STRIP2: variants seen among roughly 807,000 people sequenced by gnomAD.
STRIP2 encodes striatin-interacting protein 2.
Under a neutral mutation model 107.1 loss-of-function variants are expected in STRIP2, and 84 were observed. The observed-to-expected ratio is 0.78, with a 90% CI of 0.66 to 0.94. STRIP2 has a LOEUF of 0.94. STRIP2 is among the 40% of genes least tolerant of loss of function. The pLI is 0.00. For missense variants in STRIP2, 888 were observed against 1,034.2 expected, an observed-to-expected ratio of 0.86 and a Z score of 1.94; for synonymous variants, 394 against 400.4, an observed-to-expected ratio of 0.98 and a Z score of 0.19.
intron 7 of STRIP2, 114 bp downstream of exon 7, chr7:129,454,641 A>G (rs2150998303): frequency 1.4e-6 from 1 of 699,628 alleles, no homozygotes; most frequent in East Asian, 2.7e-5. Context: ...CTTTTTTAAA[A>G]TTAATGTCCT....
chr7:129,488,052 T>C lies in STRIP2; in HGVS notation c.*2223T>C, dbSNP rs1282209548. On this transcript the variant is annotated 3_prime_UTR_variant, in exon 21 of 21. Transcript: ENST00000249344. ...TTTCAGGTATTGACAGCCAGCCCCA[T>C]ATATTAAGGTAACCAGGTTGAATCT... 1 of 152,146 alleles carries C rather than the reference T, an allele frequency of 6.6e-6. No individual in the cohort carries two copies. The highest frequency in any genetic ancestry group is 1.5e-5 in the Non-Finnish European group (1 of 68,030). The allele number at this position is 152,146 out of a possible 1,614,324, so 9.4% of individuals were successfully genotyped here. A position where few individuals can be genotyped will look rare whatever the true frequency, so the allele number is the denominator to read the frequency against.
intron 12 of STRIP2, among the ~76,000 whole-genome samples, chr7:129,459,889 C>T (rs986256375): frequency 2.0e-5 from 3 of 152,072 alleles, no homozygotes; most frequent in African/African-American, 7.2e-5. Flanking sequence ...AGTCTACTAA[C>T]TTCCAAAGGC....
chr7:129,464,353 C>T (rs1247921378), intron 15 of STRIP2, among the ~76,000 whole-genome samples: 1 of 151,910 alleles, frequency 6.6e-6, no homozygotes, highest in Non-Finnish European at 1.5e-5. Context: ...CCAGTGCCAG[C>T]GACTGGCTGC....
chr7:129,465,521 T>C (rs1798650077), intron 16 of STRIP2, among the ~76,000 whole-genome samples: 1 of 152,100 alleles, frequency 6.6e-6, no homozygotes, highest in Non-Finnish European at 1.5e-5. Context: ...AAGGAGCAAA[T>C]CATAATCTAT....
At chr7:129,434,715 C>T in intron 1 of STRIP2, 114 bp downstream of exon 1, 10 of 1,235,862 alleles carry the variant, frequency 8.1e-6, no homozygotes, top group Non-Finnish European at 1.1e-5. Context: ...ATCAGCCCCG[C>T]GCAGTGGGCG....
intron 3 of STRIP2, among the ~76,000 whole-genome samples, chr7:129,446,252 T>C (rs552364406): frequency 9.8e-5 from 15 of 152,306 alleles, no homozygotes; most frequent in Admixed American, 5.2e-4. Context: ...TTAAACTCCT[T>C]CTCTGCTTTG....
intron 3 of STRIP2, among the ~76,000 whole-genome samples, chr7:129,448,065 C>T (rs1340748540): frequency 6.6e-6 from 1 of 152,196 alleles, no homozygotes; most frequent in Non-Finnish European, 1.5e-5. Flanking sequence ...AACGCTCACC[C>T]TACCAGTCAG....
chr7:129,450,828 C>G (rs1431822767), intron 3 of STRIP2, among the ~76,000 whole-genome samples: 5 of 151,014 alleles, frequency 3.3e-5, no homozygotes, highest in African/African-American at 4.9e-5. Context: ...AGTTTAGCAC[C>G]CCTCATCCAA....
At chr7:129,465,761 C>T (rs779370617) in intron 16 of STRIP2, among the ~76,000 whole-genome samples, 1 of 152,142 alleles carries the variant, frequency 6.6e-6, no homozygotes, top group Non-Finnish European at 1.5e-5. Context: ...GATATAGGGA[C>T]AAGATGGGGA....
intron 18 of STRIP2, among the ~76,000 whole-genome samples, chr7:129,471,006 A>T (rs1798777331): frequency 6.6e-6 from 1 of 152,266 alleles, no homozygotes; most frequent in Non-Finnish European, 1.5e-5. Flanking sequence ...GAGCGTGAAT[A>T]TCTATGCTAA....
chr7:129,483,228 C>A lies in STRIP2; in HGVS notation c.2254+182C>A. 1 of 1,347,226 alleles carries A rather than the reference C, an allele frequency of 7.4e-7. No individual in the cohort carries two copies. The highest frequency in any genetic ancestry group is 2.3e-5 in the South Asian group (1 of 43,706). 83.5% of individuals were successfully genotyped at this position (1,347,226 alleles called of 1,614,324 possible). On this transcript the variant is annotated intron_variant, in intron 20 of 20. Coordinates refer to ENST00000249344, the MANE Select transcript of STRIP2 (RefSeq NM_020704.3). The surrounding 1 kb of genome is among the most constrained non-coding windows in gnomAD (Gnocchi z 5.1). ...GTTATGCCTCAAATTCTAGTATGTA[C>A]CCTTGTCCTATGTAAACTATGAAAA...
At chr7:129,460,557 TAAACC>T in intron 13 of STRIP2, 185 bp downstream of exon 13, 1 of 595,752 alleles carries the variant, frequency 1.7e-6, no homozygotes, top group Non-Finnish European at 3.0e-6. Flanking sequence ...AAAAGTTAAG[TAAACC>T]AAACTATCAG....
At chr7:129,450,918 CTTTTTTTTTTTTTTTTTT>C (rs758536953) in intron 3 of STRIP2, among the ~76,000 whole-genome samples, 1 of 54,470 alleles carries the variant, frequency 1.8e-5, no homozygotes, top group African/African-American at 7.9e-5. Context: ...GAGAAAGGTC[CTTTTTTTTTTTTTTTTTT>C]TTTTTTTTTT....
At chr7:129,454,620 T>G (rs1010401152) in intron 7 of STRIP2, 93 bp downstream of exon 7, 11 of 751,852 alleles carry the variant, frequency 1.5e-5, no homozygotes, top group Non-Finnish European at 2.5e-5. Flanking sequence ...AGTCGTTTTT[T>G]CTTTTGTTTT....
rs1254264238 is a variant in STRIP2 at position 129,437,867 on chromosome 7, G to A, written c.130-2155G>A. On this transcript the variant is annotated intron_variant, in intron 1 of 20. Coordinates refer to ENST00000249344, the MANE Select transcript of STRIP2 (RefSeq NM_020704.3). The stretch of plus-strand genomic sequence containing the variant: ...GTCACCCAGGCTGGAGTGCAGTGGC[G>A]CAAACTCGGCTCACTGCAAGCTCTG... Among the ~76,000 whole-genome samples the A allele has an allele frequency of 4.7e-5, 7 of 149,060 alleles. No homozygotes were observed. The East Asian group carries it at 5.9e-4, about 13-fold the overall frequency.
intron 18 of STRIP2, among the ~76,000 whole-genome samples, chr7:129,471,171 A>C (rs1798780939): frequency 6.6e-6 from 1 of 152,152 alleles, no homozygotes. Flanking sequence ...TCGGAGGCAA[A>C]AGTCTATATA....
At chr7:129,452,848 GT>G (rs1184191747) in intron 4 of STRIP2, among the ~76,000 whole-genome samples, 1 of 152,192 alleles carries the variant, frequency 6.6e-6, no homozygotes, top group African/African-American at 2.4e-5. Context: ...TGTGAGTTGT[GT>G]GTTTTATACT....
intron 14 of STRIP2, 108 bp from the exon 15 acceptor site, chr7:129,463,936 A>T: frequency 1.3e-6 from 1 of 796,114 alleles, no homozygotes. Flanking sequence ...GGAAGAACTT[A>T]CAGAATGGCT....
In STRIP2 at chr7:129,459,445, A is replaced by AG. The variant is rs1318085356; in HGVS notation, c.1341-66dup. The AG allele has an allele frequency of 6.9e-5, 89 of 1,296,304 alleles. 1 individual carries two copies. In the South Asian group the frequency reaches 9.9e-4, roughly 14 times the overall value. The allele number at this position is 1,296,304 out of a possible 1,614,324, so 80.3% of individuals were successfully genotyped here. ...GAAAGTAGCATGGTCTGTTGACTCT[A>AG]GGGGGGTATTGGGGTATCAGTAGTT... On this transcript the variant is annotated intron_variant, in intron 11 of 20. Transcript: ENST00000249344.
Sources: gnomAD v4.1 joint callset for allele counts (sites outside exome capture counted in the v4.1 genomes callset) on GRCh38, gnomAD v4.1.1 for gene constraint, Gnocchi (gnomAD v3.1) non-coding constraint, MANE v1.5 for transcripts, NCBI Gene and HGNC (gene_info 2026-07-23, HGNC 2026-07-21) for gene names.